Variants in SMAD9 observed in about 807,000 individuals in gnomAD.
The protein encoded by SMAD9 is SMAD family member 9.
Under a neutral mutation model 46.1 loss-of-function variants are expected in SMAD9, and 36 were observed. The ratio of observed to expected loss-of-function variants is 0.78; its 90% CI spans 0.60 to 1.03. The LOEUF is 1.03. SMAD9 is among the 50% of genes least tolerant of loss of function. The pLI is 0.00. For synonymous variants in SMAD9, 245 were observed against 237.1 expected, an observed-to-expected ratio of 1.03 and a Z score of -0.31; for missense variants, 572 against 599.8, an observed-to-expected ratio of 0.95 and a Z score of 0.48.
chr13:36,895,022 T>A (rs1425706521), intron 1 of SMAD9, among the ~76,000 whole-genome samples: 1 of 152,170 alleles, frequency 6.6e-6, no homozygotes, highest in East Asian at 1.9e-4. Flanking sequence ...ACTGCCTATT[T>A]ACTTAGCACT....
chr13:36,904,161 C>T (rs955596895), intron 1 of SMAD9, among the ~76,000 whole-genome samples: 10 of 152,114 alleles, frequency 6.6e-5, no homozygotes, highest in African/African-American at 2.4e-4. Context: ...TTACACCACA[C>T]CTACTGCTGG....
chr13:36,911,745 G>A (rs1396642573), intron 1 of SMAD9, among the ~76,000 whole-genome samples: 1 of 103,012 alleles, frequency 9.7e-6, no homozygotes, highest in Non-Finnish European at 2.6e-5. Context: ...TTTTGCTCTT[G>A]TTTCCCAGGA....
intron 1 of SMAD9, among the ~76,000 whole-genome samples, chr13:36,898,510 A>C (rs934020607): frequency 1.6e-4 from 24 of 152,202 alleles, no homozygotes; most frequent in Admixed American, 2.6e-4. Context: ...CACATCCTTA[A>C]CAAAATATTA....
intron 5 of SMAD9, among the ~76,000 whole-genome samples, chr13:36,856,869 C>A (rs2058131674): frequency 1.4e-5 from 2 of 146,260 alleles, no homozygotes; most frequent in Admixed American, 7.0e-5. Flanking sequence ...GTGGCGCGAT[C>A]TCGGCTCACT....
chr13:36,876,765 T>A (rs933484691), intron 2 of SMAD9, among the ~76,000 whole-genome samples: 1 of 152,106 alleles, frequency 6.6e-6, no homozygotes. Flanking sequence ...AAAAATGAGA[T>A]TTCAAAGGCA....
chr13:36,898,104 C>T (rs560044065), intron 1 of SMAD9, among the ~76,000 whole-genome samples: 95 of 151,964 alleles, frequency 6.3e-4, no homozygotes, highest in Non-Finnish European at 1.1e-3. Context: ...GTGATCCGCC[C>T]GCCTCGGCCT....
intron 3 of SMAD9, among the ~76,000 whole-genome samples, 200 bp downstream of exon 3, chr13:36,872,458 T>C (rs1461216348): frequency 1.3e-5 from 2 of 151,832 alleles, no homozygotes; most frequent in Non-Finnish European, 2.9e-5. Context: ...GAACTAAAAC[T>C]AGAGGAAAAA....
At chr13:36,849,349 A>T (rs1011959342) in intron 6 of SMAD9, 51 of 150,532 alleles carry the variant, frequency 3.4e-4, no homozygotes, top group Non-Finnish European at 5.8e-4. Context: ...GACAGTTAAA[A>T]TTTTTTTTTT....
At chr13:36,892,077 A>G (rs1486270620) in intron 1 of SMAD9, among the ~76,000 whole-genome samples, 2 of 152,314 alleles carry the variant, frequency 1.3e-5, no homozygotes, top group East Asian at 3.9e-4. Flanking sequence ...TTTGTCAATG[A>G]CGATGGTAGT....
In SMAD9 at chr13:36,865,519, T is replaced by C. The variant is rs991015364; in HGVS notation, c.1003+18A>G. ...CATTTCGGCTAGATGACTAAAGGAATAACATCTTTGCTCTTACCCTTTCCT... is the reference window on the plus strand; with the variant it reads ...CATTTCGGCTAGATGACTAAAGGAACAACATCTTTGCTCTTACCCTTTCCT... On this transcript the variant is annotated intron_variant, in intron 5 of 6. Transcript: ENST00000379826. 1 of 1,596,170 alleles carries C rather than the reference T, an allele frequency of 6.3e-7. No homozygotes were observed. The highest frequency in any genetic ancestry group is 8.6e-7 in the Non-Finnish European group (1 of 1,164,502).
intron 1 of SMAD9, among the ~76,000 whole-genome samples, chr13:36,919,326 T>C (rs1420581419): frequency 6.6e-6 from 1 of 152,124 alleles, no homozygotes; most frequent in Non-Finnish European, 1.5e-5. Flanking sequence ...CAGTCTCCTG[T>C]ATCTGCTTCC....
In SMAD9 at chr13:36,853,533, G is replaced by A. The variant is rs112619843; in HGVS notation, c.1146C>T (p.Leu382=). 6.2e-7 allele frequency: 1 copy of A among 1,614,168 alleles called. No individual in the cohort carries two copies. The highest frequency in any genetic ancestry group is 8.5e-7 in the Non-Finnish European group (1 of 1,180,030). The change falls in exon 6 of 7, where the codon CTC becomes CTT. Residue 382 remains leucine (L), a synonymous_variant. Coordinates refer to ENST00000379826, the MANE Select transcript of SMAD9 (RefSeq NM_001127217.3). ...TVCKIPSGCS[L]KVFNNQLFAQ... ...CGAAGAGCTGGTTGTTGAAGACCTT[G>A]AGGCTGCAGCCGCTGGGGATCTTGC...
At chr13:36,879,969 C>T (rs907537906) in intron 1 of SMAD9, 94 bp from the exon 2 acceptor site, 28 of 464,560 alleles carry the variant, frequency 6.0e-5, no homozygotes, top group African/African-American at 5.3e-4. Context: ...CACCTACAGT[C>T]CCAGCTACTC....
intron 2 of SMAD9, among the ~76,000 whole-genome samples, chr13:36,878,693 C>G (rs1368435655): frequency 1.3e-5 from 2 of 152,032 alleles, no homozygotes; most frequent in Non-Finnish European, 2.9e-5. Context: ...CAGCCAAAAA[C>G]CCTGCCTTAG....
chr13:36,918,464 G>A (rs2058715711), intron 1 of SMAD9, among the ~76,000 whole-genome samples: 1 of 152,240 alleles, frequency 6.6e-6, no homozygotes, highest in South Asian at 2.1e-4. Flanking sequence ...AGGCTGTCTG[G>A]CAGACAGCTG....
intron 5 of SMAD9, among the ~76,000 whole-genome samples, chr13:36,863,384 C>A (rs1251780415): frequency 2.6e-5 from 4 of 152,128 alleles, no homozygotes; most frequent in African/African-American, 9.7e-5. Context: ...CAGTGAGTAC[C>A]CTTGCATCGA....
chr13:36,872,570 CAAT>C (rs2058305040), intron 3 of SMAD9, 85 bp downstream of exon 3: 2 of 1,426,700 alleles, frequency 1.4e-6, no homozygotes, highest in Admixed American at 1.7e-5. Flanking sequence ...ATGACAGTTA[CAAT>C]GACTGTCATT....
intron 1 of SMAD9, among the ~76,000 whole-genome samples, chr13:36,883,360 A>G (rs562329714): frequency 1.3e-5 from 2 of 152,374 alleles, no homozygotes; most frequent in East Asian, 1.9e-4. Context: ...GAAACAAACA[A>G]TAAGTGAGCC....
intron 1 of SMAD9, among the ~76,000 whole-genome samples, chr13:36,919,227 A>C (rs568552408): frequency 6.6e-6 from 1 of 152,312 alleles, no homozygotes; most frequent in South Asian, 2.1e-4. Flanking sequence ...AGGAGGAAGG[A>C]ATAGTAACGG....
Sources: gnomAD v4.1 joint callset for allele counts (sites outside exome capture counted in the v4.1 genomes callset) on GRCh38, gnomAD v4.1.1 for gene constraint, MANE v1.5 for transcripts, NCBI Gene and HGNC (gene_info 2026-07-23, HGNC 2026-07-21) for gene names.